Variants in VEPH1 observed in about 807,000 individuals in gnomAD.
The protein encoded by VEPH1 is ventricular zone expressed PH domain containing 1, also known as ventricular zone-expressed PH domain-containing protein homolog 1.
In VEPH1, 80 loss-of-function variants were observed where a neutral mutation model predicts 85.2. That is an observed-to-expected ratio of 0.94 (90% CI 0.78 to 1.13). VEPH1 has a LOEUF of 1.13. VEPH1 is among the 50% of genes most tolerant of loss of function. The pLI is 0.00. For missense variants in VEPH1, 955 were observed against 980.5 expected (o/e 0.97, Z 0.35); for synonymous variants, 297 against 348.0 (o/e 0.85, Z 1.63).
chr3:157,399,885 A>G (rs1332512417), intron 6 of VEPH1, among the ~76,000 whole-genome samples: 1 of 152,094 alleles, frequency 6.6e-6, no homozygotes, highest in African/African-American at 2.4e-5. Context: ...TAATTCTCCA[A>G]CTTTGAGCCG....
chr3:157,412,129 G>A (rs1731580884), intron 6 of VEPH1, among the ~76,000 whole-genome samples: 1 of 152,018 alleles, frequency 6.6e-6, no homozygotes, highest in South Asian at 2.1e-4. Flanking sequence ...TTTTCCTGAG[G>A]CCTCCCCAAA....
chr3:157,316,249 A>G (rs1262088065), intron 10 of VEPH1: 1 of 152,016 alleles, frequency 6.6e-6, no homozygotes, highest in East Asian at 1.9e-4. Context: ...ATAAAGTGTC[A>G]TATCATTTGG....
chr3:157,472,286 C>T (rs1737036095), intron 2 of VEPH1, among the ~76,000 whole-genome samples: 1 of 152,134 alleles, frequency 6.6e-6, no homozygotes, highest in South Asian at 2.1e-4. Context: ...CATCTTTTAA[C>T]CATTTGCTTA....
At chr3:157,364,889 C>G (rs952371001) in intron 7 of VEPH1, among the ~76,000 whole-genome samples, 3 of 152,138 alleles carry the variant, frequency 2.0e-5, no homozygotes, top group Non-Finnish European at 4.4e-5. Context: ...TATGTTTGTA[C>G]TGAAATTACA....
At chr3:157,481,455 CACACACACACAAA>C (rs1242137310) in intron 2 of VEPH1, among the ~76,000 whole-genome samples, 1 of 68,776 alleles carries the variant, frequency 1.5e-5, no homozygotes, top group Admixed American at 1.5e-4. Flanking sequence ...CACACACACA[CACACACACACAAA>C]AAAAAAAAAA....
At chr3:157,339,090 C>G (rs1723251981) in intron 9 of VEPH1, among the ~76,000 whole-genome samples, 1 of 152,208 alleles carries the variant, frequency 6.6e-6, no homozygotes, top group Non-Finnish European at 1.5e-5. Flanking sequence ...AACCCACCCT[C>G]TGCACACTCT....
chr3:157,369,193 A>ACAAAAAAAAAAAAAAAAAAAAAAAAAC (rs1417067119), intron 7 of VEPH1, among the ~76,000 whole-genome samples: 1 of 140,572 alleles, frequency 7.1e-6, no homozygotes, highest in African/African-American at 2.6e-5. Flanking sequence ...AAAAAAAAAA[A>ACAAAAAAAAAAAAAAAAAAAAAAAAAC]AAAAAAAAAA....
chr3:157,298,948 A>G (rs1319809176), intron 11 of VEPH1, among the ~76,000 whole-genome samples: 1 of 152,152 alleles, frequency 6.6e-6, no homozygotes, highest in Non-Finnish European at 1.5e-5. Context: ...CTTTCTTGGT[A>G]TGTCTAGTAT....
intron 6 of VEPH1, among the ~76,000 whole-genome samples, chr3:157,394,961 A>G (rs1156718627): frequency 6.6e-6 from 1 of 152,054 alleles, no homozygotes; most frequent in Non-Finnish European, 1.5e-5. Context: ...ACTTTTCCCT[A>G]GCCCTGCAAA....
At chr3:157,445,112 T>C (rs1210733173) in intron 4 of VEPH1, among the ~76,000 whole-genome samples, 2 of 152,186 alleles carry the variant, frequency 1.3e-5, no homozygotes, top group African/African-American at 4.8e-5. Flanking sequence ...AATATGGTAA[T>C]GGGCTGGAAT....
At chr3:157,416,551 G>GA (rs1731927608) in intron 5 of VEPH1, among the ~76,000 whole-genome samples, 1 of 152,106 alleles carries the variant, frequency 6.6e-6, no homozygotes, top group Non-Finnish European at 1.5e-5. Context: ...TTTTAGCAAT[G>GA]AAAAATGCTT....
At chr3:157,477,854 T>C (rs1212105127) in intron 2 of VEPH1, among the ~76,000 whole-genome samples, 5 of 152,164 alleles carry the variant, frequency 3.3e-5, no homozygotes, top group African/African-American at 9.7e-5. Context: ...AGGAAACCAG[T>C]TAATCACAGA....
intron 12 of VEPH1, chr3:157,285,261 A>G (rs971546218): frequency 6.6e-6 from 1 of 152,242 alleles, no homozygotes; most frequent in Non-Finnish European, 1.5e-5. Flanking sequence ...CGTTGGCTCA[A>G]TCCAGACTCT....
chr3:157,493,113 A>C (rs1489076033), intron 2 of VEPH1: 15 of 382,444 alleles, frequency 3.9e-5, no homozygotes, highest in Non-Finnish European at 6.7e-5. Flanking sequence ...AGATGCCATC[A>C]AGGTTTTATG....
chr3:157,323,403 G>A (rs1214439865), intron 9 of VEPH1, among the ~76,000 whole-genome samples: 7 of 152,176 alleles, frequency 4.6e-5, no homozygotes, highest in Non-Finnish European at 7.3e-5. Context: ...CTGCACTGAA[G>A]GAAAAACTGC....
intron 6 of VEPH1, among the ~76,000 whole-genome samples, chr3:157,397,291 T>C (rs532610170): frequency 6.6e-6 from 1 of 152,284 alleles, no homozygotes; most frequent in African/African-American, 2.4e-5. Flanking sequence ...TTGGTCTATG[T>C]GTCTGTTTTT....
At chr3:157,460,028 T>G in intron 4 of VEPH1, 153 bp downstream of exon 4, 1 of 1,565,256 alleles carries the variant, frequency 6.4e-7, no homozygotes, top group South Asian at 1.1e-5. Flanking sequence ...TAAGTAACCT[T>G]TTGCATGTTC....
At chr3:157,422,082 G>C (rs1560048974) in intron 5 of VEPH1, among the ~76,000 whole-genome samples, 1 of 152,160 alleles carries the variant, frequency 6.6e-6, no homozygotes, top group Non-Finnish European at 1.5e-5. Context: ...CCACAGCCTT[G>C]ATTCTTTAGT....
chr3:157,477,263 T>A (rs541540288), intron 2 of VEPH1, among the ~76,000 whole-genome samples: 1 of 151,858 alleles, frequency 6.6e-6, no homozygotes, highest in Non-Finnish European at 1.5e-5. Flanking sequence ...CCTTCCTCCA[T>A]CTTTAAAGCA....
Sources: gnomAD v4.1 joint callset for allele counts (sites outside exome capture counted in the v4.1 genomes callset) on GRCh38, gnomAD v4.1.1 for gene constraint, MANE v1.5 for transcripts, NCBI Gene and HGNC (gene_info 2026-07-23, HGNC 2026-07-21) for gene names.